The following FUT9 variants were observed in gnomAD, a reference collection of about 807,000 sequenced individuals.
The protein encoded by FUT9 is fucosyltransferase 9.
FUT9 carries 15 observed loss-of-function variants against 29.7 expected under a neutral mutation model. That is an observed-to-expected ratio of 0.51 (90% CI 0.34 to 0.78). The LOEUF (loss-of-function observed/expected upper bound fraction) is 0.78, where lower values mean the gene tolerates loss of function less well. FUT9 is among the 30% of genes least tolerant of loss of function. The probability of loss-of-function intolerance (pLI) is 0.01; values close to 1 mark genes in which losing one functional copy is unlikely to be tolerated. For synonymous variants in FUT9, 169 were observed against 153.7 expected (o/e 1.10, Z -0.74); for missense variants, 319 against 425.4 (o/e 0.75, Z 2.20).
chr6:96,146,649 A>G (rs1772572656), intron 2 of FUT9, among the ~76,000 whole-genome samples: 1 of 152,238 alleles, frequency 6.6e-6, no homozygotes, highest in African/African-American at 2.4e-5. Context: ...TCACAGAAAG[A>G]AGGCAAAGGG....
intron 2 of FUT9, among the ~76,000 whole-genome samples, chr6:96,186,769 C>T (rs906611134): frequency 6.6e-6 from 1 of 152,056 alleles, no homozygotes; most frequent in Non-Finnish European, 1.5e-5. Flanking sequence ...AACCTGAGGA[C>T]AGAAGATCCA....
Position 96,024,551 on chromosome 6 carries a change from CA to C in FUT9, c.-98+8340del, listed in dbSNP as rs374144038. 3.0e-3 allele frequency among the ~76,000 whole-genome samples: 461 copies of C among 151,816 alleles called. 1 individual carries two copies. The highest frequency in any genetic ancestry group is 0.01 in the African/African-American group (427 of 41,458). The stretch of plus-strand genomic sequence containing the variant: ...TCCTTTGACTCAGTAGCCACAGATA[CA>C]TTGCTGTTTTTCTAGGGTATGGGGT... On this transcript the variant is annotated intron_variant, in intron 1 of 2. Transcript: ENST00000302103.
At chr6:96,108,574 G>A (rs1301167847) in intron 1 of FUT9, among the ~76,000 whole-genome samples, 1 of 152,090 alleles carries the variant, frequency 6.6e-6, no homozygotes, top group Admixed American at 6.6e-5. Flanking sequence ...CTCTCAGCAT[G>A]ACCCAGGGGT....
rs530587912 is a variant in FUT9, at chr6:96,105,279, T to C, written c.-97-8760T>C. ...TAACTCAGTTTATTTGTAAACCATG[T>C]ATTATTAACACATAGCTCAAACTAT... On this transcript the variant is annotated intron_variant, in intron 1 of 2. Transcript: ENST00000302103. 1.6e-4 allele frequency among the ~76,000 whole-genome samples: 25 copies of C among 152,368 alleles called. No homozygotes were observed. In the South Asian group the frequency reaches 4.3e-3, roughly 27 times the overall value.
chr6:96,073,819 TG>T (rs1482722885), intron 1 of FUT9, among the ~76,000 whole-genome samples: 1 of 152,154 alleles, frequency 6.6e-6, no homozygotes, highest in African/African-American at 2.4e-5. Flanking sequence ...TGTGTAACCT[TG>T]TACAACCCTC....
rs533929682 is a variant in FUT9, at chr6:96,165,323, C to G, written c.-8-37825C>G. Among the ~76,000 whole-genome samples, 25 of 151,456 alleles carry G rather than the reference C, an allele frequency of 1.7e-4. No homozygotes were observed. The East Asian group carries it at 4.4e-3, about 27-fold the overall frequency. On this transcript the variant is annotated intron_variant, in intron 2 of 2. Coordinates refer to ENST00000302103, the MANE Select transcript of FUT9 (RefSeq NM_006581.4). ...GTGGGCACCTGTAATCCCAGCTATTCGGGAGGCTGAGGCAGGGGAATTGCT... is the reference window on the plus strand; with the variant it reads ...GTGGGCACCTGTAATCCCAGCTATTGGGGAGGCTGAGGCAGGGGAATTGCT...
chr6:96,039,391 C>G (rs1770415741), intron 1 of FUT9, among the ~76,000 whole-genome samples: 1 of 152,122 alleles, frequency 6.6e-6, no homozygotes, highest in Non-Finnish European at 1.5e-5. Flanking sequence ...ATACTACCTA[C>G]TCTCCATTAG....
chr6:96,116,154 T>G (rs1771907404), intron 2 of FUT9, among the ~76,000 whole-genome samples: 1 of 152,184 alleles, frequency 6.6e-6, no homozygotes, highest in Admixed American at 6.5e-5. Context: ...CCAAAGAAGA[T>G]GTATGGATGA....
rs71012536 is a variant in FUT9 at position 96,078,408 on chromosome 6, CTTTTTTTTTTTTTTTT to C, written c.-97-35616_-97-35601del. On this transcript the variant is annotated intron_variant, in intron 1 of 2. Transcript: ENST00000302103. ...GATCTCTTTCTTTCATATTAGTCTT[CTTTTTTTTTTTTTTTT>C]TTTTTTTTTTTTTTGAGACGGAGCC... Among the ~76,000 whole-genome samples, 8 of 44,200 alleles carry C rather than the reference CTTTTTTTTTTTTTTTT, an allele frequency of 1.8e-4. 1 individual carries two copies. The highest frequency in any genetic ancestry group is 6.9e-4 in the East Asian group (1 of 1,448). The allele number at this position is 44,200 out of a possible 152,430, so 29.0% of individuals were successfully genotyped here.
At chr6:96,092,104 T>C (rs891569392) in intron 1 of FUT9, among the ~76,000 whole-genome samples, 4 of 152,120 alleles carry the variant, frequency 2.6e-5, no homozygotes, top group African/African-American at 7.2e-5. Context: ...TGGACAATAA[T>C]ACTTTAACAG....
intron 1 of FUT9, among the ~76,000 whole-genome samples, chr6:96,094,710 A>T (rs951707884): frequency 6.6e-6 from 1 of 152,120 alleles, no homozygotes; most frequent in African/African-American, 2.4e-5. Flanking sequence ...TTAACCCAGC[A>T]CTTCTAAAAA....
rs565023365 is a variant in FUT9 at position 96,114,637 on chromosome 6, T to C, written c.-9+510T>C. Among the ~76,000 whole-genome samples, 39 of 151,184 alleles carry C rather than the reference T, an allele frequency of 2.6e-4. 1 individual carries two copies. The highest frequency in any genetic ancestry group is 4.1e-4 in the Non-Finnish European group (28 of 67,780). Reference sequence around the variant, plus strand: ...TATATTTACTATATATATTCATATATGTAATTTATTTAATAAGTTAAATAA... The same window carrying C: ...TATATTTACTATATATATTCATATACGTAATTTATTTAATAAGTTAAATAA... On this transcript the variant is annotated intron_variant, in intron 2 of 2. Coordinates refer to ENST00000302103, the MANE Select transcript of FUT9 (RefSeq NM_006581.4).
At chr6:96,071,743 A>G (rs902027979) in intron 1 of FUT9, among the ~76,000 whole-genome samples, 3 of 152,182 alleles carry the variant, frequency 2.0e-5, no homozygotes, top group Admixed American at 1.3e-4. Context: ...AAATTTTAAC[A>G]ACAGCCAATC....
At chr6:96,146,608 A>G (rs1367535482) in intron 2 of FUT9, among the ~76,000 whole-genome samples, 1 of 152,240 alleles carries the variant, frequency 6.6e-6, no homozygotes, top group Non-Finnish European at 1.5e-5. Context: ...ACATTTAAAG[A>G]GAAATAAATT....
rs541824142 is a variant in FUT9 at position 96,098,242 on chromosome 6, A to G, written c.-97-15797A>G. ...CTTTTTATAAAGCATGATTTTCAGA[A>G]CCTATAACTTCTGGATCTCCCTCCT... On this transcript the variant is annotated intron_variant, in intron 1 of 2. Transcript: ENST00000302103. 3.9e-5 allele frequency among the ~76,000 whole-genome samples: 6 copies of G among 152,238 alleles called. No homozygotes were observed. In the East Asian group the frequency reaches 9.7e-4, roughly 25 times the overall value.
At chr6:96,118,926 G>A (rs1317243873) in intron 2 of FUT9, among the ~76,000 whole-genome samples, 9 of 151,690 alleles carry the variant, frequency 5.9e-5, no homozygotes, top group African/African-American at 1.9e-4. Context: ...TATAGAATAA[G>A]GATTAAAGAA....
chr6:96,064,609 T>C lies in FUT9; in HGVS notation c.-98+48397T>C, dbSNP rs537744012. Among the ~76,000 whole-genome samples, 3 of 152,260 alleles carry C rather than the reference T, an allele frequency of 2.0e-5. No individual in the cohort carries two copies. The East Asian group carries it at 5.8e-4, about 29-fold the overall frequency. On this transcript the variant is annotated intron_variant, in intron 1 of 2. Coordinates refer to ENST00000302103, the MANE Select transcript of FUT9 (RefSeq NM_006581.4). ...ACACACTGATCTACATTGAAAAAAA[T>C]ACAAACATAAAAGTAGCTCTTATAT...
intron 2 of FUT9, among the ~76,000 whole-genome samples, chr6:96,191,110 T>C (rs1013491128): frequency 1.3e-5 from 2 of 152,080 alleles, no homozygotes; most frequent in African/African-American, 4.8e-5. Flanking sequence ...TCTGTTCTCC[T>C]TCTAACAGTC....
chr6:96,173,946 G>T (rs1346872435), intron 2 of FUT9, among the ~76,000 whole-genome samples: 1 of 151,916 alleles, frequency 6.6e-6, no homozygotes, highest in African/African-American at 2.4e-5. Flanking sequence ...TATTTGTGTT[G>T]ATTGTTTTTT....
Sources: allele counts gnomAD v4.1 joint callset (sites outside exome capture counted in the v4.1 genomes callset), GRCh38; gene constraint gnomAD v4.1.1; transcripts MANE v1.5; gene names NCBI Gene and HGNC (gene_info 2026-07-23, HGNC 2026-07-21).